Variants in PLA2G4A observed in about 807,000 individuals in gnomAD.
PLA2G4A encodes cytosolic phospholipase A2.
Under a neutral mutation model 81.9 loss-of-function variants are expected in PLA2G4A, and 40 were observed. The observed-to-expected ratio is 0.49, with a 90% CI of 0.38 to 0.64. The LOEUF is 0.64. Ranked by LOEUF, PLA2G4A falls within the 30% of genes least tolerant of loss-of-function variation. The pLI is 0.00. For missense variants in PLA2G4A, 715 were observed against 905.1 expected (o/e 0.79, Z 2.69); for synonymous variants, 302 against 296.9 (o/e 1.02, Z -0.18).
chr1:186,865,432 C>T (rs929962464), intron 2 of PLA2G4A, among the ~76,000 whole-genome samples: 1 of 152,076 alleles, frequency 6.6e-6, no homozygotes, highest in African/African-American at 2.4e-5. Flanking sequence ...TGAAACTCCA[C>T]ACCTGAAAGC....
At chr1:186,882,573 A>T (rs1653776071) in intron 3 of PLA2G4A, among the ~76,000 whole-genome samples, 1 of 152,076 alleles carries the variant, frequency 6.6e-6, no homozygotes, top group Non-Finnish European at 1.5e-5. Flanking sequence ...AATGGCTGAG[A>T]AGGGTCACTG....
chr1:186,988,529 G>A lies in PLA2G4A; in HGVS notation c.*21G>A. 1 of 1,606,348 alleles carries A rather than the reference G, an allele frequency of 6.2e-7. No homozygotes were observed. Among genetic ancestry groups the A allele is most frequent in the Non-Finnish European group, 8.5e-7 (1 of 1,174,794 alleles). On this transcript the variant is annotated 3_prime_UTR_variant, in exon 18 of 18. Transcript: ENST00000367466. ...CATAGTTCATGTACTGGAAATGGCA[G>A]CAGTTTCTGATGCTGAGGCAGTTTG... is the stretch of plus-strand genomic sequence containing the variant.
intron 8 of PLA2G4A, 123 bp from the exon 9 acceptor site, chr1:186,938,885 A>G (rs2102217432): frequency 2.9e-6 from 2 of 700,644 alleles, no homozygotes; most frequent in Non-Finnish European, 5.2e-6. Flanking sequence ...AATATCTGCA[A>G]TCAGATAATG....
chr1:186,929,494 A>G (rs754409682), intron 7 of PLA2G4A, among the ~76,000 whole-genome samples: 6 of 152,190 alleles, frequency 3.9e-5, no homozygotes, highest in Non-Finnish European at 7.3e-5. Flanking sequence ...ACTAGTTGCT[A>G]AAAGCTTCAG....
chr1:186,898,215 A>G (rs992730393), intron 5 of PLA2G4A, among the ~76,000 whole-genome samples: 1 of 152,164 alleles, frequency 6.6e-6, no homozygotes, highest in Non-Finnish European at 1.5e-5. Flanking sequence ...TGTTATTAAT[A>G]TGAGAAGAAT....
chr1:186,881,531 A>G (rs1186428982), intron 3 of PLA2G4A, among the ~76,000 whole-genome samples: 1 of 151,998 alleles, frequency 6.6e-6, no homozygotes, highest in Admixed American at 6.6e-5. Context: ...TATAATTTTG[A>G]TCTCTTTCTG....
At chr1:186,969,743 AT>A (rs61377388) in intron 15 of PLA2G4A, among the ~76,000 whole-genome samples, 108,448 of 151,614 alleles carry the variant, frequency 0.72, 39,021 homozygotes, top group East Asian at 0.87. Context: ...GGATTTCATT[AT>A]TTTTTTTATG....
intron 1 of PLA2G4A, among the ~76,000 whole-genome samples, chr1:186,837,755 A>AAAAAAAAAAAAAAAAAAG (rs1553267329): frequency 6.8e-6 from 1 of 147,430 alleles, no homozygotes; most frequent in African/African-American, 2.6e-5. Flanking sequence ...AAAAAAAAGA[A>AAAAAAAAAAAAAAAAAAG]AAAGAAAAGA....
In PLA2G4A at chr1:186,988,790, C is replaced by T. The variant is rs1235794244; in HGVS notation, c.*282C>T. 4.2e-6 allele frequency: 1 copy of T among 238,694 alleles called. No individual in the cohort carries two copies. Among genetic ancestry groups the T allele is most frequent in the African/African-American group, 2.3e-5 (1 of 44,398 alleles). 14.8% of individuals were successfully genotyped at this position (238,694 alleles called of 1,614,324 possible). A position where few individuals can be genotyped will look rare whatever the true frequency, so the allele number is the denominator to read the frequency against. ...TGTATTTTTAAACATTTCTCACCAA[C>T]TTTCTTATGTGTGTTCTTTTTAAAA... On this transcript the variant is annotated 3_prime_UTR_variant, in exon 18 of 18. Transcript: ENST00000367466.
intron 2 of PLA2G4A, among the ~76,000 whole-genome samples, chr1:186,868,576 G>A (rs1055404602): frequency 6.6e-6 from 1 of 152,178 alleles, no homozygotes; most frequent in African/African-American, 2.4e-5. Context: ...CTTCTGGAAA[G>A]ATTGTAGATA....
intron 1 of PLA2G4A, among the ~76,000 whole-genome samples, chr1:186,845,081 G>T (rs1652123196): frequency 1.3e-5 from 2 of 152,088 alleles, no homozygotes; most frequent in Non-Finnish European, 2.9e-5. Context: ...ATGATGGTGG[G>T]TGCCTGTAGT....
Position 186,956,103 on chromosome 1 carries a change from C to T in PLA2G4A, c.1338C>T (p.Gly446=). ...DSDDESHEPK[G]TENEDAGSDY... is the part of the protein sequence containing the mutation. ...TGGTGACCTTTTATTTTTCCCTAGG[C>T]ACTGAAAATGAAGATGCTGGAAGTG... The change falls in exon 14 of 18, where the codon GGC becomes GGT. Residue 446 remains glycine (G), a splice_region_variant and synonymous_variant. Coordinates refer to ENST00000367466, the MANE Select transcript of PLA2G4A (RefSeq NM_024420.3). 1 of 1,612,570 alleles carries T rather than the reference C, an allele frequency of 6.2e-7. No individual in the cohort carries two copies. Among genetic ancestry groups the T allele is most frequent in the Non-Finnish European group, 8.5e-7 (1 of 1,178,760 alleles).
intron 6 of PLA2G4A, among the ~76,000 whole-genome samples, chr1:186,908,968 C>CTTTTTTTTTTTTTT (rs1201226836): frequency 1.3e-5 from 1 of 75,090 alleles, no homozygotes; most frequent in African/African-American, 5.7e-5. Context: ...CTTTTCTTTT[C>CTTTTTTTTTTTTTT]TTTTTTTTTT....
chr1:186,965,455 T>G lies in PLA2G4A; in HGVS notation c.1626T>G (p.Ser542Arg). Residue 542 changes from serine to arginine, a missense_variant, in exon 15 of 18, where the codon AGT becomes AGG. Physicochemically the swap from Ser to Arg is moderately radical, Grantham distance 110. Transcript: ENST00000367466. ...ERIYEPLDVKSKKIHVVDSGL... is the reference protein window; with the variant it reads ...ERIYEPLDVKRKKIHVVDSGL... ...TATATGAGCCTCTGGATGTCAAAAGTAAAAAGATTCATGTAGTGGACAGTG... is the reference window on the plus strand; with the variant it reads ...TATATGAGCCTCTGGATGTCAAAAGGAAAAAGATTCATGTAGTGGACAGTG... The G allele has an allele frequency of 2.5e-6, 4 of 1,612,194 alleles. No individual in the cohort carries two copies. The highest frequency in any genetic ancestry group is 3.4e-6 in the Non-Finnish European group (4 of 1,178,226).
Position 186,872,839 on chromosome 1 carries a change from A to G in PLA2G4A, c.115+2323A>G, listed in dbSNP as rs112542113. Among the ~76,000 whole-genome samples the G allele has an allele frequency of 2.3e-3, 348 of 152,262 alleles. 2 individuals are homozygous for G. Among genetic ancestry groups the G allele is most frequent in the African/African-American group, 7.9e-3 (327 of 41,582 alleles). ...GAACATTTAGGTTTTGGTTCCCCAC[A>G]GTGTACATAACACAGATTAGACTCT... On this transcript the variant is annotated intron_variant, in intron 3 of 17. Transcript: ENST00000367466.
chr1:186,886,810 C>T (rs927232905), intron 3 of PLA2G4A, among the ~76,000 whole-genome samples: 1 of 152,120 alleles, frequency 6.6e-6, no homozygotes, highest in South Asian at 2.1e-4. Context: ...AGAATAACTC[C>T]TTGACAGAAG....
At chr1:186,889,416 G>A (rs1350502351) in intron 3 of PLA2G4A, among the ~76,000 whole-genome samples, 3 of 152,146 alleles carry the variant, frequency 2.0e-5, no homozygotes, top group East Asian at 3.9e-4. Flanking sequence ...ATAACCCTGG[G>A]CATTTGTGTT....
At chr1:186,899,213 G>A (rs912972078) in intron 5 of PLA2G4A, among the ~76,000 whole-genome samples, 3 of 152,150 alleles carry the variant, frequency 2.0e-5, no homozygotes, top group Admixed American at 2.0e-4. Context: ...GAGGATATCT[G>A]AGGACAGAAG....
At chr1:186,955,576 G>C (rs1040953093) in intron 13 of PLA2G4A, among the ~76,000 whole-genome samples, 2 of 152,018 alleles carry the variant, frequency 1.3e-5, no homozygotes, top group African/African-American at 4.8e-5. Context: ...GCACTGTCGA[G>C]AATATACCCC....
Sources: allele counts gnomAD v4.1 joint callset (sites outside exome capture counted in the v4.1 genomes callset), GRCh38; gene constraint gnomAD v4.1.1; transcripts MANE v1.5; gene names NCBI Gene and HGNC (gene_info 2026-07-23, HGNC 2026-07-21).